ATAD1: variants seen among roughly 807,000 people sequenced by gnomAD.
The protein encoded by ATAD1 is ATPase family AAA domain containing 1.
ATAD1 carries 18 observed loss-of-function variants against 42.7 expected under a neutral mutation model. The observed-to-expected ratio is 0.42, with a 90% CI of 0.29 to 0.63. The LOEUF (loss-of-function observed/expected upper bound fraction) is 0.63. Among genes scored for constraint, ATAD1 ranks in the 20% least tolerant of loss-of-function variants. The probability of loss-of-function intolerance (pLI) is 0.19; values close to 1 mark genes in which losing one functional copy is unlikely to be tolerated. For missense variants in ATAD1, 294 were observed against 440.4 expected (o/e 0.67, Z 2.98); for synonymous variants, 132 against 143.1 (o/e 0.92, Z 0.55).
chr10:87,787,892 C>T (rs1855913054), intron 4 of ATAD1, among the ~76,000 whole-genome samples: 2 of 152,028 alleles, frequency 1.3e-5, no homozygotes, highest in South Asian at 2.1e-4. Flanking sequence ...TTAAAGAATG[C>T]ACCAAAACAT....
intron 3 of ATAD1, 140 bp from the exon 4 acceptor site, chr10:87,790,570 C>A: frequency 1.1e-6 from 1 of 884,600 alleles, no homozygotes; most frequent in South Asian, 2.5e-5. Flanking sequence ...TAAGTAAAGA[C>A]TTTTCCAAGC....
intron 4 of ATAD1, among the ~76,000 whole-genome samples, chr10:87,785,848 C>CT (rs1855809529): frequency 6.6e-6 from 1 of 151,956 alleles, no homozygotes; most frequent in African/African-American, 2.4e-5. Flanking sequence ...TTCTACTGGT[C>CT]TTTATAATTC....
At position 87,756,931 on chromosome 10, in the gene ATAD1, A is replaced by T. The variant is rs1854248485; in HGVS notation, c.832-9T>A. The T allele has an allele frequency of 1.3e-6, 2 of 1,574,392 alleles. No homozygotes were observed. Among genetic ancestry groups the T allele is most frequent in the Non-Finnish European group, 8.6e-7 (1 of 1,166,054 alleles). ...TCTACATGCCTATCCACCTTAAACAAATATAAAAACATGCTTAAAAAACAA... is the reference window on the plus strand; with the variant it reads ...TCTACATGCCTATCCACCTTAAACATATATAAAAACATGCTTAAAAAACAA... On this transcript the variant is annotated splice_polypyrimidine_tract_variant and intron_variant, in intron 8 of 9. Transcript: ENST00000680024.
intron 2 of ATAD1, among the ~76,000 whole-genome samples, chr10:87,794,351 C>G (rs1442123288): frequency 6.6e-6 from 1 of 152,114 alleles, no homozygotes; most frequent in African/African-American, 2.4e-5. Flanking sequence ...TTGTAAATAC[C>G]TTCTCTTTTA....
intron 1 of ATAD1, among the ~76,000 whole-genome samples, chr10:87,823,267 G>T (rs112479876): frequency 1.3e-5 from 2 of 152,080 alleles, no homozygotes; most frequent in Admixed American, 1.3e-4. Flanking sequence ...GCATTTCTAC[G>T]TAACCTTTTT....
chr10:87,776,424 G>A lies in ATAD1; in HGVS notation c.587C>T (p.Ser196Phe). ...AGAACTTGAACGGTTTCGTAGAAAGGAGTCTAGAAGTAAAAGGTCCTTAAC... is the reference window on the plus strand; with the variant it reads ...AGAACTTGAACGGTTTCGTAGAAAGAAGTCTAGAAGTAAAAGGTCCTTAAC... ...PSIIFIDEID[S>F]FLRNRSSSDH... The change falls in exon 6 of 10, where the codon TCC becomes TTC. Residue 196 changes from serine (S) to phenylalanine (F), a missense_variant. Around this residue, in one of 3 missense-constraint regions of ATAD1, gnomAD observed 31 missense variants for 78.6 expected, o/e 0.39. Coordinates refer to ENST00000680024, the MANE Select transcript of ATAD1 (RefSeq NM_001321967.2). The A allele has an allele frequency of 6.2e-6, 10 of 1,609,578 alleles. No individual in the cohort carries two copies. The highest frequency in any genetic ancestry group is 8.5e-6 in the Non-Finnish European group (10 of 1,176,606).
intron 2 of ATAD1, among the ~76,000 whole-genome samples, chr10:87,804,362 T>G (rs1856831813): frequency 6.6e-6 from 1 of 152,052 alleles, no homozygotes; most frequent in Non-Finnish European, 1.5e-5. Flanking sequence ...TTCAAGAAAA[T>G]TATATAGTCT....
Position 87,790,348 on chromosome 10 carries a change from T to C in ATAD1, c.344A>G (p.His115Arg). The change falls in exon 4 of 10, where the codon CAT becomes CGT. Residue 115 changes from histidine (H) to arginine (R), a missense_variant. Coordinates refer to ENST00000680024, the MANE Select transcript of ATAD1 (RefSeq NM_001321967.2). ...CAGAAGCCTGGAATTCTCAAACAAA[T>C]GTTTCTTTTTGATAGGTAAGATGAC... ...DTVILPIKKK[H>R]LFENSRLLQP... 1 of 1,613,052 alleles carries C rather than the reference T, an allele frequency of 6.2e-7. No individual in the cohort carries two copies. The highest frequency in any genetic ancestry group is 8.5e-7 in the Non-Finnish European group (1 of 1,179,758).
intron 3 of ATAD1, among the ~76,000 whole-genome samples, chr10:87,790,869 C>T (rs1469463374): frequency 2.0e-5 from 3 of 151,826 alleles, no homozygotes; most frequent in Non-Finnish European, 4.4e-5. Context: ...CAAAACATAG[C>T]TTCTGAATTT....
intron 6 of ATAD1, among the ~76,000 whole-genome samples, chr10:87,771,485 C>T (rs989632949): frequency 6.6e-6 from 1 of 152,004 alleles, no homozygotes; most frequent in Admixed American, 6.6e-5. Flanking sequence ...TGGAGAGAAT[C>T]ATTTCCCCTT....
chr10:87,817,552 A>G (rs1199814081), intron 1 of ATAD1, among the ~76,000 whole-genome samples: 5 of 152,310 alleles, frequency 3.3e-5, no homozygotes, highest in Non-Finnish European at 4.4e-5. Context: ...CATAGCATTC[A>G]CTGTAGTATT....
intron 1 of ATAD1, among the ~76,000 whole-genome samples, chr10:87,825,434 C>T (rs547305755): frequency 2.6e-5 from 4 of 151,894 alleles, no homozygotes; most frequent in African/African-American, 4.8e-5. Flanking sequence ...TTCAGCCTCC[C>T]GAGTAGCTGA....
chr10:87,816,061 C>T (rs1857401942), intron 1 of ATAD1, among the ~76,000 whole-genome samples: 1 of 152,096 alleles, frequency 6.6e-6, no homozygotes. Context: ...CATGAATCTT[C>T]GTATTATTCA....
chr10:87,757,899 G>C (rs1212663731), intron 8 of ATAD1, among the ~76,000 whole-genome samples: 1 of 152,172 alleles, frequency 6.6e-6, no homozygotes, highest in Non-Finnish European at 1.5e-5. Context: ...CTGCAACTGT[G>C]ACCTCACATG....
chr10:87,807,694 TAAA>T (rs1856988820), intron 2 of ATAD1, among the ~76,000 whole-genome samples: 1 of 152,154 alleles, frequency 6.6e-6, no homozygotes. Context: ...TTTTAAGTTA[TAAA>T]AATAATAGGA....
chr10:87,801,658 T>C (rs1856701278), intron 2 of ATAD1, among the ~76,000 whole-genome samples: 1 of 152,250 alleles, frequency 6.6e-6, no homozygotes, highest in Admixed American at 6.5e-5. Flanking sequence ...TAAATTCCCT[T>C]GTCAACTATG....
chr10:87,796,490 G>C (rs956114934), intron 2 of ATAD1, among the ~76,000 whole-genome samples: 3 of 152,192 alleles, frequency 2.0e-5, no homozygotes, highest in African/African-American at 4.8e-5. Flanking sequence ...TTTGTTTCCA[G>C]TTCCGGACAG....
At chr10:87,819,269 A>AAAAAAC (rs1857572794), upstream of ATAD1, 1 of 146,632 alleles carries the variant, frequency 6.8e-6, no homozygotes, top group Non-Finnish European at 1.5e-5. Flanking sequence ...TCTACAAAAA[A>AAAAAAC]AAAAAAAAAA....
At chr10:87,814,377 G>A in intron 2 of ATAD1, 61 bp downstream of exon 2, 6 of 1,466,692 alleles carry the variant, frequency 4.1e-6, no homozygotes, top group Non-Finnish European at 5.4e-6. Context: ...CAAATTTTTA[G>A]TTTGAGGGGA....
Sources: allele counts gnomAD v4.1 joint callset (sites outside exome capture counted in the v4.1 genomes callset), GRCh38; gene constraint gnomAD v4.1.1; regional missense constraint gnomAD v4.1.1; transcripts MANE v1.5; gene names NCBI Gene and HGNC (gene_info 2026-07-23, HGNC 2026-07-21).